Variants in HTR4 observed in about 807,000 individuals in gnomAD.
HTR4 encodes the protein 5-hydroxytryptamine (serotonin) receptor 4, G protein-coupled.
In HTR4, 16 loss-of-function variants were observed where a neutral mutation model predicts 36.8. That is an observed-to-expected ratio of 0.43 (90% CI 0.29 to 0.66). The LOEUF is 0.66. HTR4 is among the 30% of genes least tolerant of loss of function. The pLI, the probability that HTR4 is intolerant of heterozygous loss-of-function variation, is 0.13. For missense variants in HTR4, 438 were observed against 490.9 expected, an observed-to-expected ratio of 0.89 and a Z score of 1.02; for synonymous variants, 189 against 185.1, an observed-to-expected ratio of 1.02 and a Z score of -0.17.
chr5:148,654,229 G>T lies in HTR4; in HGVS notation c.-215C>A. The T allele has an allele frequency of 1.0e-6, 1 of 985,252 alleles. No individual in the cohort carries two copies. The highest frequency in any genetic ancestry group is 1.2e-6 in the Non-Finnish European group (1 of 829,856). The allele number at this position is 985,252 out of a possible 1,614,324, so 61.0% of individuals were successfully genotyped here. A position where few individuals can be genotyped will look rare whatever the true frequency, so the allele number is the denominator to read the frequency against. On this transcript the variant is annotated 5_prime_UTR_variant, in exon 1 of 7. Transcript: ENST00000377888. ...GCTCCAGCCCCCGCGCTGGGGAGCC[G>T]GCGAGCGTGAGGCGCGGGCCAGGGG... is the stretch of plus-strand genomic sequence containing the variant.
intron 2 of HTR4, among the ~76,000 whole-genome samples, chr5:148,606,264 A>C (rs1034909983): frequency 3.3e-5 from 5 of 152,070 alleles, no homozygotes; most frequent in Non-Finnish European, 7.4e-5. Context: ...AGCTGAGAGA[A>C]TGCAGGAAGG....
At chr5:148,520,067 G>A (rs1025346603) in intron 5 of HTR4, among the ~76,000 whole-genome samples, 3 of 152,174 alleles carry the variant, frequency 2.0e-5, no homozygotes, top group Non-Finnish European at 1.5e-5. Flanking sequence ...TGAAAATGTT[G>A]TGACCAGAGA....
chr5:148,575,923 A>C (rs767645011), intron 2 of HTR4, among the ~76,000 whole-genome samples: 2 of 151,924 alleles, frequency 1.3e-5, no homozygotes, highest in African/African-American at 2.4e-5. Context: ...ACATCCAAAT[A>C]GGAAGAGAGA....
intron 1 of HTR4, among the ~76,000 whole-genome samples, chr5:148,640,701 A>T (rs1753704706): frequency 6.6e-6 from 1 of 152,240 alleles, no homozygotes; most frequent in African/African-American, 2.4e-5. Context: ...GTTGTGTTCC[A>T]GTCAGCAAGC....
chr5:148,457,673 A>G (rs1755133211), intron 5 of HTR4, among the ~76,000 whole-genome samples: 1 of 145,422 alleles, frequency 6.9e-6, no homozygotes, highest in Non-Finnish European at 1.5e-5. Flanking sequence ...ATATTTTAAT[A>G]TATCATTAAA....
intron 6 of HTR4, among the ~76,000 whole-genome samples, chr5:148,491,750 G>A (rs979314049): frequency 6.6e-6 from 1 of 152,140 alleles, no homozygotes; most frequent in Non-Finnish European, 1.5e-5. Flanking sequence ...TAAACTTAAA[G>A]CATTATCTAA....
Position 148,625,261 on chromosome 5 carries a change from G to T in HTR4, c.26+11728C>A, listed in dbSNP as rs74689887. Among the ~76,000 whole-genome samples, 602 of 152,206 alleles carry T rather than the reference G, an allele frequency of 4.0e-3. 4 individuals carry two copies. Among genetic ancestry groups the T allele is most frequent in the African/African-American group, 0.013 (554 of 41,522 alleles). ...CCTTAAGACAGCAATGACAGGAAGG[G>T]TAGAGAGAGGGTGGCAGAGTCAAGG... On this transcript the variant is annotated intron_variant, in intron 2 of 6. Coordinates refer to ENST00000377888, the MANE Select transcript of HTR4 (RefSeq NM_000870.7).
chr5:148,624,697 C>T (rs1581562055), intron 2 of HTR4, among the ~76,000 whole-genome samples: 1 of 152,128 alleles, frequency 6.6e-6, no homozygotes. Context: ...CCTCAGATTC[C>T]AGGCTGCAAG....
chr5:148,535,964 G>A (rs1441148611), intron 4 of HTR4, among the ~76,000 whole-genome samples: 2 of 151,988 alleles, frequency 1.3e-5, no homozygotes, highest in Admixed American at 6.6e-5. Context: ...ATGAAAGAAA[G>A]AATGTTAAAC....
In HTR4 at chr5:148,654,113, C is replaced by A. The variant is rs907187589; in HGVS notation, c.-99G>T. The A allele has an allele frequency of 1.0e-6, 1 of 985,474 alleles. No homozygotes were observed. The highest frequency in any genetic ancestry group is 1.2e-6 in the Non-Finnish European group (1 of 830,032). The allele number at this position is 985,474 out of a possible 1,614,324, so 61.0% of individuals were successfully genotyped here. ...TGCCCTGGCAGATTCGAGCGGCCAC[C>A]CCCAGCCGCTGAGCCGAGCTTCTGC... On this transcript the variant is annotated 5_prime_UTR_variant, in exon 1 of 7. Coordinates refer to ENST00000377888, the MANE Select transcript of HTR4 (RefSeq NM_000870.7).
chr5:148,483,380 A>G (rs982074796), intron 6 of HTR4, 87 bp from the exon 7 acceptor site: 15 of 1,195,134 alleles, frequency 1.3e-5, no homozygotes, highest in Non-Finnish European at 1.8e-5. Flanking sequence ...CATGGCAGGA[A>G]CACTCTGTGC....
intron 5 of HTR4, chr5:148,466,037 A>G: frequency 6.5e-7 from 1 of 1,527,722 alleles, no homozygotes; most frequent in Non-Finnish European, 8.8e-7. Flanking sequence ...CTCAGCCTAA[A>G]TAAGCTTGCC....
At chr5:148,540,588 C>T (rs1299440082) in intron 4 of HTR4, among the ~76,000 whole-genome samples, 3 of 151,210 alleles carry the variant, frequency 2.0e-5, no homozygotes, top group African/African-American at 7.3e-5. Flanking sequence ...TGAAAGATAA[C>T]TAATAGATTC....
downstream of HTR4, chr5:148,476,588 C>T (rs188988137): frequency 1.3e-5 from 19 of 1,481,064 alleles, no homozygotes; most frequent in East Asian, 4.2e-4. Context: ...TGGGCTGGTA[C>T]AGTGGAGATG....
At chr5:148,592,405 A>AT (rs1001181852) in intron 2 of HTR4, among the ~76,000 whole-genome samples, 29 of 151,588 alleles carry the variant, frequency 1.9e-4, no homozygotes, top group Admixed American at 6.6e-4. Context: ...AAAAAAAGAA[A>AT]TTTTTTTTTA....
chr5:148,550,677 G>A (rs1046147489), intron 2 of HTR4, among the ~76,000 whole-genome samples: 3 of 152,136 alleles, frequency 2.0e-5, no homozygotes, highest in African/African-American at 7.2e-5. Flanking sequence ...TGTATAAAAT[G>A]GTGAGTTGTG....
chr5:148,627,517 T>C (rs964762405), intron 2 of HTR4, among the ~76,000 whole-genome samples: 1 of 152,230 alleles, frequency 6.6e-6, no homozygotes, highest in African/African-American at 2.4e-5. Flanking sequence ...AAGTTGAGAA[T>C]AAATACGCAT....
At chr5:148,463,577 C>T (rs187294521) in intron 5 of HTR4, among the ~76,000 whole-genome samples, 17 of 152,068 alleles carry the variant, frequency 1.1e-4, no homozygotes, top group Admixed American at 2.0e-4. Flanking sequence ...ATATCAAATA[C>T]GAACATAAAT....
chr5:148,562,658 G>A (rs1760265756), intron 2 of HTR4, among the ~76,000 whole-genome samples: 1 of 152,144 alleles, frequency 6.6e-6, no homozygotes, highest in African/African-American at 2.4e-5. Context: ...ATATGAGACA[G>A]CTTAAATTTA....
Sources: allele counts gnomAD v4.1 joint callset (sites outside exome capture counted in the v4.1 genomes callset), GRCh38; gene constraint gnomAD v4.1.1; transcripts MANE v1.5; gene names NCBI Gene and HGNC (gene_info 2026-07-23, HGNC 2026-07-21).